Variants in OR6B1 observed in about 807,000 individuals in gnomAD.
OR6B1 encodes the protein olfactory receptor family 6 subfamily B member 1, also known as olfactory receptor 6B1.
Under a neutral mutation model 15.4 loss-of-function variants are expected in OR6B1, and 15 were observed. The observed-to-expected ratio is 0.97, with a 90% CI of 0.65 to 1.50. The LOEUF is 1.50. Among genes scored for constraint, OR6B1 ranks in the 40% most tolerant of loss-of-function variants. The pLI is 0.00. For synonymous variants in OR6B1, 139 were observed against 144.9 expected (o/e 0.96, Z 0.29); for missense variants, 384 against 385.0 (o/e 1.00, Z 0.02).
chr7:144,005,587 T>G lies in OR6B1; in HGVS notation c.*655T>G, dbSNP rs1192529185. The G allele has an allele frequency of 6.6e-6, 1 of 152,200 alleles. No individual in the cohort carries two copies. The highest frequency in any genetic ancestry group is 1.5e-5 in the Non-Finnish European group (1 of 68,032). 9.4% of individuals were successfully genotyped at this position (152,200 alleles called of 1,614,324 possible). On this transcript the variant is annotated 3_prime_UTR_variant, in exon 2 of 2. Transcript: ENST00000641698. ...CCTTCTAGGTGCCACAATGTATCCTTTAGTGGATGAACATAAAATAGATGA... is the reference window on the plus strand; with the variant it reads ...CCTTCTAGGTGCCACAATGTATCCTGTAGTGGATGAACATAAAATAGATGA...
intron 1 of OR6B1, among the ~76,000 whole-genome samples, chr7:144,001,534 T>C (rs569196094): frequency 6.6e-6 from 1 of 152,226 alleles, no homozygotes; most frequent in African/African-American, 2.4e-5. Flanking sequence ...GGCAACCTTG[T>C]CCCATCCTAA....
Position 144,003,992 on chromosome 7 carries a change from C to T in OR6B1, c.-5C>T. The T allele has an allele frequency of 6.2e-7, 1 of 1,602,818 alleles. No individual in the cohort carries two copies. The highest frequency in any genetic ancestry group is 8.5e-7 in the Non-Finnish European group (1 of 1,173,838). On this transcript the variant is annotated 5_prime_UTR_variant, in exon 2 of 2. Coordinates refer to ENST00000641698, the MANE Select transcript of OR6B1 (RefSeq NM_001005281.3). ...CCCAGGAGAGCTAAGCCCTGTGTCT[C>T]CAATATGGAGTTGGAGAACCAGACA...
In OR6B1 at chr7:144,007,295, A is replaced by G. The variant is rs2050630995; in HGVS notation, c.*2363A>G. On this transcript the variant is annotated 3_prime_UTR_variant, in exon 2 of 2. Coordinates refer to ENST00000641698, the MANE Select transcript of OR6B1 (RefSeq NM_001005281.3). Reference sequence around the variant, plus strand: ...GAAATCTGCCTCAACAGAGAAAATAATGTATAGTGGATTACTGGTTAAATT... The same window carrying G: ...GAAATCTGCCTCAACAGAGAAAATAGTGTATAGTGGATTACTGGTTAAATT... 1 of 152,164 alleles carries G rather than the reference A, an allele frequency of 6.6e-6. No individual in the cohort carries two copies. Among genetic ancestry groups the G allele is most frequent in the South Asian group, 2.1e-4 (1 of 4,832 alleles). The allele number at this position is 152,164 out of a possible 1,614,324, so 9.4% of individuals were successfully genotyped here. A position where few individuals can be genotyped will look rare whatever the true frequency, so the allele number is the denominator to read the frequency against.
At position 144,005,011 on chromosome 7, in the gene OR6B1, A is replaced by T; in HGVS notation, c.*79A>T. On this transcript the variant is annotated 3_prime_UTR_variant, in exon 2 of 2. Coordinates refer to ENST00000641698, the MANE Select transcript of OR6B1 (RefSeq NM_001005281.3). ...TCCATCCTTTCTCCTTTAACGACTC[A>T]GTTAGGACACTGCCCATGTTAATAT... 2.1e-6 allele frequency: 2 copies of T among 969,092 alleles called. No individual in the cohort carries two copies. The highest frequency in any genetic ancestry group is 3.0e-6 in the Non-Finnish European group (2 of 661,686). The allele number at this position is 969,092 out of a possible 1,614,324, so 60.0% of individuals were successfully genotyped here. A position where few individuals can be genotyped will look rare whatever the true frequency, so the allele number is the denominator to read the frequency against.
intron 1 of OR6B1, among the ~76,000 whole-genome samples, chr7:144,002,248 A>G (rs183706756): frequency 2.0e-5 from 3 of 152,356 alleles, no homozygotes; most frequent in African/African-American, 7.2e-5. Context: ...TTAGAATAGC[A>G]ATGTCTAATT....
At chr7:144,001,832 A>G (rs1351079703) in intron 1 of OR6B1, among the ~76,000 whole-genome samples, 1 of 152,230 alleles carries the variant, frequency 6.6e-6, no homozygotes, top group Non-Finnish European at 1.5e-5. Flanking sequence ...TTCATCTGCC[A>G]AAAATGCCTT....
intron 1 of OR6B1, among the ~76,000 whole-genome samples, 173 bp downstream of exon 1, chr7:144,000,823 C>T (rs2050581125): frequency 6.6e-6 from 1 of 152,212 alleles, no homozygotes; most frequent in South Asian, 2.1e-4. Flanking sequence ...AATCTAAGTG[C>T]AGCCAGTTAT....
Position 144,005,860 on chromosome 7 carries a change from C to T in OR6B1, c.*928C>T, listed in dbSNP as rs1484233450. On this transcript the variant is annotated 3_prime_UTR_variant, in exon 2 of 2. Transcript: ENST00000641698. Reference sequence around the variant, plus strand: ...ACTTTCCTTACCTATATATCTAACACCCTCTACACACACGCTAGAACCTCA... The same window carrying T: ...ACTTTCCTTACCTATATATCTAACATCCTCTACACACACGCTAGAACCTCA... The T allele has an allele frequency of 1.3e-5, 2 of 152,122 alleles. No homozygotes were observed. Among genetic ancestry groups the T allele is most frequent in the Admixed American group, 6.5e-5 (1 of 15,276 alleles). The allele number at this position is 152,122 out of a possible 1,614,324, so 9.4% of individuals were successfully genotyped here.
intron 1 of OR6B1, among the ~76,000 whole-genome samples, chr7:144,001,122 A>G (rs893366174): frequency 6.6e-6 from 1 of 152,246 alleles, no homozygotes; most frequent in Non-Finnish European, 1.5e-5. Context: ...GGAAAAGTGC[A>G]TAGCAGCAGA....
Position 144,004,394 on chromosome 7 carries a change from C to A in OR6B1, c.398C>A (p.Pro133Gln). 6.2e-7 allele frequency: 1 copy of A among 1,614,224 alleles called. No individual in the cohort carries two copies. Among genetic ancestry groups the A allele is most frequent in the Non-Finnish European group, 8.5e-7 (1 of 1,180,034 alleles). ...YVAICRPLHY[P>Q]TIMSHGLCFR... is the part of the protein sequence containing the mutation. Reference sequence around the variant, plus strand: ...GCCATCTGTCGCCCACTCCACTACCCAACCATAATGAGCCATGGGCTCTGC... The same window carrying A: ...GCCATCTGTCGCCCACTCCACTACCAAACCATAATGAGCCATGGGCTCTGC... The change falls in exon 2 of 2, where the codon CCA (proline) becomes CAA (glutamine). Residue 133 changes from proline (P) to glutamine (Q), a missense_variant. Physicochemically the swap from Pro to Gln is moderately conservative, Grantham distance 76. Transcript: ENST00000641698.
rs1007554930 is a variant in OR6B1 at position 144,005,262 on chromosome 7, T to C, written c.*330T>C. ...TGTTTTTGGATCTGCCATACACTAATAGCTCTGGGGCCAACAAAATAGGTG... is the reference window on the plus strand; with the variant it reads ...TGTTTTTGGATCTGCCATACACTAACAGCTCTGGGGCCAACAAAATAGGTG... On this transcript the variant is annotated 3_prime_UTR_variant, in exon 2 of 2. Transcript: ENST00000641698. The C allele has an allele frequency of 4.8e-6, 1 of 208,824 alleles. No homozygotes were observed. Among genetic ancestry groups the C allele is most frequent in the Non-Finnish European group, 9.6e-6 (1 of 104,490 alleles). The allele number at this position is 208,824 out of a possible 1,614,324, so 12.9% of individuals were successfully genotyped here.
rs1267385774 is a variant in OR6B1 at position 144,006,597 on chromosome 7, C to T, written c.*1665C>T. ...TATATTTCTATTTAAAATCTAGACACACAAAAAAGAGATTATTTTCTGAAA... is the reference window on the plus strand; with the variant it reads ...TATATTTCTATTTAAAATCTAGACATACAAAAAAGAGATTATTTTCTGAAA... On this transcript the variant is annotated 3_prime_UTR_variant, in exon 2 of 2. Transcript: ENST00000641698. The T allele has an allele frequency of 1.3e-5, 2 of 151,896 alleles. No homozygotes were observed. The highest frequency in any genetic ancestry group is 2.9e-5 in the Non-Finnish European group (2 of 67,974). 9.4% of individuals were successfully genotyped at this position (151,896 alleles called of 1,614,324 possible).
rs560341429 is a variant in OR6B1 at position 144,008,024 on chromosome 7, G to T, written c.*3092G>T. Reference sequence around the variant, plus strand: ...CCAGAAGCTGGAAGATATAAGTAATGATTCTCCCCCCCTAGAGCTGTCAAA... The same window carrying T: ...CCAGAAGCTGGAAGATATAAGTAATTATTCTCCCCCCCTAGAGCTGTCAAA... On this transcript the variant is annotated 3_prime_UTR_variant, in exon 2 of 2. Transcript: ENST00000641698. 1.3e-5 allele frequency: 2 copies of T among 152,296 alleles called. No homozygotes were observed. Among genetic ancestry groups the T allele is most frequent in the East Asian group, 3.9e-4 (2 of 5,188 alleles). The allele number at this position is 152,296 out of a possible 1,614,324, so 9.4% of individuals were successfully genotyped here. A position where few individuals can be genotyped will look rare whatever the true frequency, so the allele number is the denominator to read the frequency against.
rs887708289 is a variant in OR6B1 at position 144,004,789 on chromosome 7, G to A, written c.793G>A (p.Ala265Thr). ...FMYARPRVIH[A>T]FNMNKIISIF... ...GTATGCTCGACCTCGAGTTATCCAT[G>A]CCTTCAACATGAACAAAATTATTTC... Residue 265 changes from alanine (A) to threonine (T), a missense_variant, in exon 2 of 2, where the codon GCC becomes ACC. Ala to Thr is a moderately conservative substitution (Grantham distance 58). Transcript: ENST00000641698. 3.7e-6 allele frequency: 6 copies of A among 1,613,938 alleles called. No individual in the cohort carries two copies. The highest frequency in any genetic ancestry group is 1.7e-5 in the Admixed American group (1 of 59,992).
Position 144,000,670 on chromosome 7 carries a change from G to T in OR6B1, c.-26+20G>T, listed in dbSNP as rs2050580337. 1 of 152,612 alleles carries T rather than the reference G, an allele frequency of 6.6e-6. No homozygotes were observed. Among genetic ancestry groups the T allele is most frequent in the South Asian group, 2.1e-4 (1 of 4,828 alleles). 9.5% of individuals were successfully genotyped at this position (152,612 alleles called of 1,614,324 possible). A position where few individuals can be genotyped will look rare whatever the true frequency, so the allele number is the denominator to read the frequency against. On this transcript the variant is annotated intron_variant, in intron 1 of 1. Coordinates refer to ENST00000641698, the MANE Select transcript of OR6B1 (RefSeq NM_001005281.3). ...GCCAAGGTAAGTGCTCCCTCTCAGA[G>T]CATTACTTTCTCACTATGCAGGCAG...
At position 144,005,080 on chromosome 7, in the gene OR6B1, C is replaced by T; in HGVS notation, c.*148C>T. 1.6e-6 allele frequency: 1 copy of T among 620,662 alleles called. No individual in the cohort carries two copies. The highest frequency in any genetic ancestry group is 2.8e-6 in the Non-Finnish European group (1 of 356,608). The allele number at this position is 620,662 out of a possible 1,614,324, so 38.4% of individuals were successfully genotyped here. On this transcript the variant is annotated 3_prime_UTR_variant, in exon 2 of 2. Coordinates refer to ENST00000641698, the MANE Select transcript of OR6B1 (RefSeq NM_001005281.3). ...TCAATCTCAGGCGCTTGGGTATCTG[C>T]ATCTGTGCATATGGTCAGTGCTCTA...
chr7:144,003,443 A>C (rs2050597552), intron 1 of OR6B1, among the ~76,000 whole-genome samples: 1 of 152,262 alleles, frequency 6.6e-6, no homozygotes, highest in African/African-American at 2.4e-5. Flanking sequence ...GAAAAGCCCA[A>C]ATCTCTGCTA....
At chr7:144,003,731 C>A (rs1421539133) in intron 1 of OR6B1, among the ~76,000 whole-genome samples, 2 of 150,330 alleles carry the variant, frequency 1.3e-5, no homozygotes, top group Admixed American at 6.7e-5. Context: ...TTACTTAATT[C>A]CTCTCCAAGA....
chr7:144,002,361 T>C (rs1446937993), intron 1 of OR6B1, among the ~76,000 whole-genome samples: 1 of 152,204 alleles, frequency 6.6e-6, no homozygotes, highest in African/African-American at 2.4e-5. Context: ...GAACTGATAG[T>C]AAGACAGTTA....
Sources: allele counts gnomAD v4.1 joint callset (sites outside exome capture counted in the v4.1 genomes callset), GRCh38; gene constraint gnomAD v4.1.1; transcripts MANE v1.5; gene names NCBI Gene and HGNC (gene_info 2026-07-23, HGNC 2026-07-21).